Variants in EYS observed in about 807,000 individuals in gnomAD.
The protein encoded by EYS is protein eyes shut homolog.
In EYS, 250 loss-of-function variants were observed where a neutral mutation model predicts 282.1. The observed-to-expected ratio is 0.89, with a 90% CI of 0.80 to 0.98. EYS has a LOEUF of 0.98. Ranked by LOEUF, EYS falls within the 50% of genes least tolerant of loss-of-function variation. EYS has a pLI of 0.00. For synonymous variants in EYS, 1,355 were observed against 1,282.9 expected, an observed-to-expected ratio of 1.06 and a Z score of -1.20; for missense variants, 4,016 against 3,709.0, an observed-to-expected ratio of 1.08 and a Z score of -2.15.
chr6:63,926,536 T>C lies in EYS; in HGVS notation c.7055+57847A>G, dbSNP rs991720320. ...CTAATGGCAGGTTACTCTTTTTCTATTATATTAAAGACCGAAGGTGAAGGG... is the reference window on the plus strand; with the variant it reads ...CTAATGGCAGGTTACTCTTTTTCTACTATATTAAAGACCGAAGGTGAAGGG... On this transcript the variant is annotated intron_variant, in intron 35 of 42. Coordinates refer to ENST00000503581, the MANE Select transcript of EYS (RefSeq NM_001142800.2). Among the ~76,000 whole-genome samples, 6 of 152,178 alleles carry C rather than the reference T, an allele frequency of 3.9e-5. No individual in the cohort carries two copies. The East Asian group carries it at 9.6e-4, about 24-fold the overall frequency.
intron 2 of EYS, among the ~76,000 whole-genome samples, chr6:65,591,574 C>T (rs940665330): frequency 2.6e-5 from 4 of 151,908 alleles, no homozygotes; most frequent in African/African-American, 9.7e-5. Flanking sequence ...ATCTCTGACT[C>T]ACTTTTTGAA....
intron 26 of EYS, among the ~76,000 whole-genome samples, chr6:64,490,964 C>A (rs1273906155): frequency 6.6e-6 from 1 of 150,600 alleles, no homozygotes; most frequent in East Asian, 1.9e-4. Context: ...ACACTAAAAT[C>A]AACAGAAAAT....
In EYS at chr6:64,569,871, CTCTTCGGGATAT is replaced by C. The variant is rs546153838; in HGVS notation, c.5644+20340_5644+20351del. Among the ~76,000 whole-genome samples the C allele has an allele frequency of 5.8e-3, 888 of 152,284 alleles. 9 individuals carry two copies. The highest frequency in any genetic ancestry group is 0.021 in the African/African-American group (852 of 41,552). On this transcript the variant is annotated intron_variant, in intron 26 of 42. Transcript: ENST00000503581. ...AATGGAACCAAGAGAATGGAAAACA[CTCTTCGGGATAT>C]TATCCAGAACTTCCCCTGGCAAGAC...
chr6:63,977,342 A>C (rs552360581), intron 35 of EYS, among the ~76,000 whole-genome samples: 4 of 151,530 alleles, frequency 2.6e-5, no homozygotes, highest in Admixed American at 6.6e-5. Flanking sequence ...ACATGCAATA[A>C]ATTATTGATA....
At chr6:64,380,113 AT>A (rs11421993) in intron 29 of EYS, among the ~76,000 whole-genome samples, 2 of 150,694 alleles carry the variant, frequency 1.3e-5, no homozygotes, top group Admixed American at 6.6e-5. Flanking sequence ...TGCAACTTCA[AT>A]TTTTTTTTTA....
rs376870255 is a variant in EYS, at chr6:65,344,176, T to A, written c.1461A>T (p.Gly487=). ...CCCCTTGGCACTTTTCGCCTTCAGA[T>A]CCTTTAAAAAAAAAGAGATAAAAAA... is the stretch of plus-strand genomic sequence containing the variant. The part of the protein sequence containing the change: ...FEYVWQLGFA[G]SEGEKCQGVI... The change falls in exon 10 of 43, where the codon GGA becomes GGT. Residue 487 remains glycine (G), a splice_region_variant and synonymous_variant. Transcript: ENST00000503581. 40 of 1,606,072 alleles carry A rather than the reference T, an allele frequency of 2.5e-5. No individual in the cohort carries two copies. In the Admixed American group the frequency reaches 3.4e-4, roughly 13 times the overall value.
intron 5 of EYS, among the ~76,000 whole-genome samples, chr6:65,463,937 T>A (rs1370229545): frequency 6.6e-6 from 1 of 152,158 alleles, no homozygotes; most frequent in Non-Finnish European, 1.5e-5. Context: ...TGGTATATAA[T>A]TTTAATATAT....
intron 26 of EYS, among the ~76,000 whole-genome samples, chr6:64,496,579 G>C (rs1458564151): frequency 6.6e-6 from 1 of 151,842 alleles, no homozygotes; most frequent in Non-Finnish European, 1.5e-5. Flanking sequence ...TTCTTAAGTA[G>C]AGTTCAGTCT....
chr6:64,587,348 C>T (rs191097810), intron 26 of EYS, among the ~76,000 whole-genome samples: 80 of 152,126 alleles, frequency 5.3e-4, no homozygotes, highest in African/African-American at 1.9e-3. Context: ...AGACAACTCC[C>T]TTCATCATTT....
intron 29 of EYS, among the ~76,000 whole-genome samples, chr6:64,313,131 T>G (rs1363576626): frequency 1.3e-5 from 2 of 152,334 alleles, no homozygotes; most frequent in Admixed American, 6.5e-5. Context: ...GCTAAGAACC[T>G]TAAAAACAGG....
rs749410700 is a variant in EYS at position 65,495,308 on chromosome 6, G to T, written c.103C>A (p.Gln35Lys). Residue 35 changes from glutamine to lysine, a missense_variant, in exon 4 of 43, where the codon CAA becomes AAA. Transcript: ENST00000503581. ...CAATTTACCACATATGATGAGGGTT[G>T]TGGATGCCATTCTTCCACCAATTGC... ...RRQLVEEWHP[Q>K]PSSYVVNWTL... 1 of 1,614,044 alleles carries T rather than the reference G, an allele frequency of 6.2e-7. No individual in the cohort carries two copies. Among genetic ancestry groups the T allele is most frequent in the Non-Finnish European group, 8.5e-7 (1 of 1,180,014 alleles).
chr6:64,512,514 C>A (rs534988331), intron 26 of EYS, among the ~76,000 whole-genome samples: 1 of 151,588 alleles, frequency 6.6e-6, no homozygotes, highest in East Asian at 1.9e-4. Context: ...ATCTATACTG[C>A]CATGGATTAA....
chr6:64,066,515 A>G, intron 32 of EYS, 24 bp from the exon 33 acceptor site: 1 of 1,377,816 alleles, frequency 7.3e-7, no homozygotes, highest in South Asian at 1.3e-5. Context: ...AGAATATATT[A>G]GTAATTATTG....
At chr6:63,942,654 AT>A (rs1478684729) in intron 35 of EYS, among the ~76,000 whole-genome samples, 6 of 152,184 alleles carry the variant, frequency 3.9e-5, no homozygotes, top group African/African-American at 1.4e-4. Flanking sequence ...TGATATGGAC[AT>A]TGAAACTAAA....
At position 63,869,534 on chromosome 6, in the gene EYS, A is replaced by T. The variant is rs142950307; in HGVS notation, c.7056-5176T>A. ...CCTTGTGACCCTCTAGTTCTTATGA[A>T]ATGAAATTAAAGTTTTGCTTCCAAG... On this transcript the variant is annotated intron_variant, in intron 35 of 42. Transcript: ENST00000503581. Among the ~76,000 whole-genome samples, 12 of 152,296 alleles carry T rather than the reference A, an allele frequency of 7.9e-5. No individual in the cohort carries two copies. The East Asian group carries it at 2.3e-3, about 29-fold the overall frequency.
At chr6:63,930,117 C>T (rs557485388) in intron 35 of EYS, among the ~76,000 whole-genome samples, 3 of 152,230 alleles carry the variant, frequency 2.0e-5, no homozygotes, top group Admixed American at 2.0e-4. Flanking sequence ...AAAAGAGTGG[C>T]TTTTACAATT....
chr6:65,182,673 T>C (rs1241059197), intron 12 of EYS, among the ~76,000 whole-genome samples: 2 of 151,976 alleles, frequency 1.3e-5, no homozygotes, highest in Non-Finnish European at 2.9e-5. Context: ...TTTTTTGTAG[T>C]AGATATATAA....
intron 41 of EYS, chr6:63,742,123 C>A (rs1769091314): frequency 1.7e-6 from 1 of 593,446 alleles, no homozygotes. Context: ...CAGTTCTTGA[C>A]AAGGCTGATG....
chr6:64,575,419 G>C (rs968783317), intron 26 of EYS, among the ~76,000 whole-genome samples: 8 of 152,144 alleles, frequency 5.3e-5, no homozygotes, highest in Non-Finnish European at 7.4e-5. Context: ...ATAACCTCAA[G>C]TTGTTAAAGC....
Sources: allele counts gnomAD v4.1 joint callset (sites outside exome capture counted in the v4.1 genomes callset), GRCh38; gene constraint gnomAD v4.1.1; transcripts MANE v1.5; gene names NCBI Gene and HGNC (gene_info 2026-07-23, HGNC 2026-07-21).